MOCOS: variants seen among roughly 807,000 people sequenced by gnomAD.
MOCOS encodes the protein human molybdenum cofactor sulfurase.
In MOCOS, 86 loss-of-function variants were observed where a neutral mutation model predicts 83.6. The observed-to-expected ratio is 1.03, with a 90% CI of 0.86 to 1.23. The LOEUF (loss-of-function observed/expected upper bound fraction) is 1.23. Among genes scored for constraint, MOCOS ranks in the 50% most tolerant of loss-of-function variants. The probability of loss-of-function intolerance (pLI) is 0.00; values close to 1 mark genes in which losing one functional copy is unlikely to be tolerated. For missense variants in MOCOS, 1,120 were observed against 1,126.9 expected (o/e 0.99, Z 0.09); for synonymous variants, 445 against 434.7 (o/e 1.02, Z -0.29).
chr18:36,265,499 G>A (rs1321717264), intron 13 of MOCOS, among the ~76,000 whole-genome samples: 2 of 152,154 alleles, frequency 1.3e-5, no homozygotes, highest in African/African-American at 2.4e-5. Flanking sequence ...GTATTTGCCC[G>A]TGAGTGAGCT....
chr18:36,222,632 C>T (rs963659412), intron 9 of MOCOS, among the ~76,000 whole-genome samples: 31 of 146,656 alleles, frequency 2.1e-4, no homozygotes, highest in African/African-American at 5.5e-4. Context: ...GACAGAGCCT[C>T]GCTCTGTCGC....
intron 13 of MOCOS, among the ~76,000 whole-genome samples, chr18:36,263,239 T>C (rs548256242): frequency 2.6e-5 from 4 of 152,378 alleles, no homozygotes; most frequent in South Asian, 2.1e-4. Context: ...AAATATTTTT[T>C]ATTCCTGTTG....
At chr18:36,268,501 C>CT (rs1568072300) in intron 14 of MOCOS, 32 bp from the exon 15 acceptor site, 2 of 1,613,792 alleles carry the variant, frequency 1.2e-6, no homozygotes, top group Non-Finnish European at 1.7e-6. Flanking sequence ...ATAATCTAGC[C>CT]TTTTTTGTTG....
intron 2 of MOCOS, among the ~76,000 whole-genome samples, chr18:36,198,393 C>G (rs1047239578): frequency 6.6e-6 from 1 of 152,122 alleles, no homozygotes; most frequent in Admixed American, 6.5e-5. Flanking sequence ...AACAAAAAAC[C>G]AAATCACTTT....
chr18:36,205,331 G>A (rs556192205), intron 6 of MOCOS, 55 bp downstream of exon 6: 50 of 1,545,994 alleles, frequency 3.2e-5, no homozygotes, highest in African/African-American at 4.1e-5. Flanking sequence ...AGTTCCAGAC[G>A]AGAGCAATGT....
At chr18:36,218,736 T>C (rs956069392) in intron 8 of MOCOS, among the ~76,000 whole-genome samples, 1 of 151,940 alleles carries the variant, frequency 6.6e-6, no homozygotes, top group African/African-American at 2.4e-5. Flanking sequence ...ATCAGGCTGG[T>C]CTTGAACTCC....
chr18:36,269,092 G>A lies in MOCOS; in HGVS notation c.*407G>A. 4.4e-6 allele frequency: 1 copy of A among 226,216 alleles called. No homozygotes were observed. Among genetic ancestry groups the A allele is most frequent in the South Asian group, 6.2e-5 (1 of 16,188 alleles). The allele number at this position is 226,216 out of a possible 1,614,324, so 14.0% of individuals were successfully genotyped here. ...ATCTCTCCAACCCGTTTGTAGTGAG[G>A]AAGGGAGTCTATGCCCAGTGATCCT... On this transcript the variant is annotated 3_prime_UTR_variant, in exon 15 of 15. Transcript: ENST00000261326.
chr18:36,266,981 G>T (rs1390193793), intron 14 of MOCOS, 128 bp downstream of exon 14: 5 of 791,260 alleles, frequency 6.3e-6, no homozygotes, highest in Admixed American at 4.0e-5. Flanking sequence ...AAGCTGTTGG[G>T]CTGCCATTAA....
chr18:36,203,023 C>T, intron 4 of MOCOS, 90 bp from the exon 5 acceptor site: 1 of 1,271,384 alleles, frequency 7.9e-7, no homozygotes, highest in Non-Finnish European at 1.2e-6. Flanking sequence ...AACAGCTAAG[C>T]CTAAAATCTA....
chr18:36,193,375 G>GTGAT (rs1386428481), intron 1 of MOCOS, among the ~76,000 whole-genome samples: 2 of 140,232 alleles, frequency 1.4e-5, no homozygotes, highest in Non-Finnish European at 3.1e-5. Context: ...TGAGGACAGT[G>GTGAT]TGATATTGGC....
intron 9 of MOCOS, among the ~76,000 whole-genome samples, chr18:36,240,135 C>T (rs1231205471): frequency 2.2e-5 from 3 of 135,540 alleles, no homozygotes; most frequent in East Asian, 4.1e-4. Flanking sequence ...TCTCTCAGCT[C>T]GTCAAAGTCA....
chr18:36,214,033 G>A (rs1330869152), intron 7 of MOCOS, among the ~76,000 whole-genome samples: 1 of 151,920 alleles, frequency 6.6e-6, no homozygotes, highest in African/African-American at 2.4e-5. Flanking sequence ...CCTGAGGTCA[G>A]GAGTTCATGA....
intron 6 of MOCOS, among the ~76,000 whole-genome samples, chr18:36,211,155 C>T (rs894967562): frequency 1.3e-5 from 2 of 152,150 alleles, no homozygotes; most frequent in African/African-American, 4.8e-5. Context: ...ATGGGAATTT[C>T]CACAGGGATT....
At chr18:36,202,386 A>G (rs2091418020) in intron 4 of MOCOS, among the ~76,000 whole-genome samples, 1 of 152,090 alleles carries the variant, frequency 6.6e-6, no homozygotes, top group Non-Finnish European at 1.5e-5. Flanking sequence ...TTTTGTAGAG[A>G]TGGGGTGTTG....
At chr18:36,241,705 C>T (rs2091583707) in intron 9 of MOCOS, among the ~76,000 whole-genome samples, 2 of 152,208 alleles carry the variant, frequency 1.3e-5, no homozygotes, top group Admixed American at 1.3e-4. Flanking sequence ...AGGGATCCAC[C>T]CCTGTGCAGA....
At chr18:36,252,156 A>G (rs2091624477) in intron 11 of MOCOS, among the ~76,000 whole-genome samples, 1 of 152,166 alleles carries the variant, frequency 6.6e-6, no homozygotes, top group Non-Finnish European at 1.5e-5. Context: ...GAATGAATGA[A>G]TGATTACCAG....
chr18:36,234,899 C>G (rs2091552108), intron 9 of MOCOS, among the ~76,000 whole-genome samples: 1 of 152,104 alleles, frequency 6.6e-6, no homozygotes. Flanking sequence ...ATAAAACCAT[C>G]AGATCTCATA....
intron 11 of MOCOS, among the ~76,000 whole-genome samples, chr18:36,256,120 G>A (rs1388914300): frequency 2.0e-5 from 3 of 152,062 alleles, no homozygotes; most frequent in Admixed American, 6.5e-5. Flanking sequence ...TTGAACTCCC[G>A]ACCTCAGGTG....
intron 12 of MOCOS, among the ~76,000 whole-genome samples, chr18:36,257,715 C>G (rs1459681794): frequency 6.6e-6 from 1 of 152,136 alleles, no homozygotes; most frequent in Non-Finnish European, 1.5e-5. Flanking sequence ...ACCCAGCTCT[C>G]ATGCCACAGG....
Sources: allele counts gnomAD v4.1 joint callset (sites outside exome capture counted in the v4.1 genomes callset), GRCh38; gene constraint gnomAD v4.1.1; transcripts MANE v1.5; gene names NCBI Gene and HGNC (gene_info 2026-07-23, HGNC 2026-07-21).